The following NTRK1 variants were observed in gnomAD, a reference collection of about 807,000 sequenced individuals.
NTRK1 encodes the protein high affinity nerve growth factor receptor.
In NTRK1, 62 loss-of-function variants were observed where a neutral mutation model predicts 86.8. The ratio of observed to expected loss-of-function variants is 0.71; its 90% CI spans 0.58 to 0.88. The LOEUF (loss-of-function observed/expected upper bound fraction) is 0.88, where lower values mean the gene tolerates loss of function less well. NTRK1 is among the 40% of genes least tolerant of loss of function. The pLI, the probability that NTRK1 is intolerant of heterozygous loss-of-function variation, is 0.00. For missense variants in NTRK1, 967 were observed against 1,078.4 expected (o/e 0.90, Z 1.45); for synonymous variants, 469 against 456.6 (o/e 1.03, Z -0.35).
chr1:156,875,791 A>T (rs1647869161), intron 12 of NTRK1, 125 bp downstream of exon 12: 2 of 1,378,186 alleles, frequency 1.5e-6, no homozygotes, highest in African/African-American at 2.9e-5. Flanking sequence ...CCCCAGCCCT[A>T]TTCCAGCCAT....
At chr1:156,842,481 C>T in intron 2 of NTRK1, 1 of 1,614,056 alleles carries the variant, frequency 6.2e-7, no homozygotes, top group Non-Finnish European at 8.5e-7. Flanking sequence ...GTTGGCTGGC[C>T]CTGAGATACC....
At chr1:156,864,821 C>T (rs1206413987) in intron 3 of NTRK1, 22 bp downstream of exon 3, 1 of 1,608,676 alleles carries the variant, frequency 6.2e-7, no homozygotes, top group Non-Finnish European at 8.5e-7. Flanking sequence ...CAGTGCTGGG[C>T]AGTGGGAGTT....
intron 14 of NTRK1, among the ~76,000 whole-genome samples, 200 bp downstream of exon 14, chr1:156,876,772 C>G (rs984313880): frequency 6.6e-6 from 1 of 152,108 alleles, no homozygotes; most frequent in Non-Finnish European, 1.5e-5. Flanking sequence ...TTGCAAAGGA[C>G]AAGTGTCAGT....
At chr1:156,878,612 G>T (rs974137834) in intron 14 of NTRK1, among the ~76,000 whole-genome samples, 1 of 152,200 alleles carries the variant, frequency 6.6e-6, no homozygotes, top group Non-Finnish European at 1.5e-5. Flanking sequence ...CCGAGTGCTC[G>T]CTCTGGGGAG....
At chr1:156,824,050 CCCT>C (rs1654258701) in intron 1 of NTRK1, among the ~76,000 whole-genome samples, 1 of 152,310 alleles carries the variant, frequency 6.6e-6, no homozygotes, top group African/African-American at 2.4e-5. Context: ...TGCAAATGCT[CCCT>C]AGTCCTGGCC....
chr1:156,830,919 T>G (rs570118151), intron 1 of NTRK1, among the ~76,000 whole-genome samples: 1 of 152,346 alleles, frequency 6.6e-6, no homozygotes, highest in East Asian at 1.9e-4. Flanking sequence ...TTTTCTTACC[T>G]TCTTTTCTAC....
intron 2 of NTRK1, chr1:156,844,180 C>T (rs758328689): frequency 1.1e-5 from 18 of 1,612,814 alleles, no homozygotes; most frequent in Non-Finnish European, 1.7e-6. Flanking sequence ...ATCACCTCTT[C>T]TTGCCGTAGA....
intron 1 of NTRK1, among the ~76,000 whole-genome samples, chr1:156,831,677 C>A (rs1654469762): frequency 6.6e-6 from 1 of 152,002 alleles, no homozygotes; most frequent in South Asian, 2.1e-4. Flanking sequence ...CAAGAGATAC[C>A]CTAGAGAACC....
intron 2 of NTRK1, chr1:156,842,362 C>T (rs776116756): frequency 6.2e-7 from 1 of 1,613,008 alleles, no homozygotes; most frequent in Admixed American, 1.7e-5. Flanking sequence ...TGTGCCCAAC[C>T]CTTCTTTCAC....
intron 1 of NTRK1, among the ~76,000 whole-genome samples, chr1:156,828,382 T>A (rs1250829814): frequency 1.3e-5 from 2 of 152,150 alleles, no homozygotes; most frequent in Non-Finnish European, 2.9e-5. Flanking sequence ...CAGGAGATGC[T>A]GAGTAACTAT....
At position 156,844,062 on chromosome 1, in the gene NTRK1, C is replaced by T. The variant is rs370870438; in HGVS notation, c.50+1869C>T. 7.1e-4 allele frequency: 530 copies of T among 743,540 alleles called. 8 individuals carry two copies. In the South Asian group the frequency reaches 8.6e-3, roughly 12 times the overall value. 46.1% of individuals were successfully genotyped at this position (743,540 alleles called of 1,614,324 possible). On this transcript the variant is annotated intron_variant, in intron 2 of 16. Transcript: ENST00000392302. ...CTGTGCCACCGCAGGGGAAGAGTTA[C>T]TGCCTGTATGGAAGACCTGTCTTTC...
intron 2 of NTRK1, chr1:156,853,998 G>A: frequency 6.2e-7 from 1 of 1,613,802 alleles, no homozygotes; most frequent in Non-Finnish European, 8.5e-7. Flanking sequence ...ACGGCCCCAA[G>A]TGCAGGCAGT....
At chr1:156,844,410 G>T in intron 2 of NTRK1, 1 of 1,590,114 alleles carries the variant, frequency 6.3e-7, no homozygotes, top group Non-Finnish European at 8.6e-7. Context: ...GTGGGCTGGG[G>T]ACCAGGTAGG....
In NTRK1 at chr1:156,841,415, A is replaced by G. The variant is rs1654776069; in HGVS notation, c.-63-666A>G. The G allele has an allele frequency of 1.2e-6, 2 of 1,613,772 alleles. No homozygotes were observed. The highest frequency in any genetic ancestry group is 2.7e-5 in the African/African-American group (2 of 74,856). ...TCACAGCTGAAGGGGACAGCCCTCC[A>G]GCTCCTCCAGGACCCCGCCATCCAT... On this transcript the variant is annotated intron_variant, in intron 1 of 16. Coordinates refer to the NTRK1 transcript ENST00000392302.
At chr1:156,834,725 G>C (rs1323476061) in intron 1 of NTRK1, among the ~76,000 whole-genome samples, 1 of 149,750 alleles carries the variant, frequency 6.7e-6, no homozygotes, top group South Asian at 2.1e-4. Flanking sequence ...CCTGTTTCAA[G>C]AAGAAAAAAA....
chr1:156,838,375 CT>C (rs1160982080), intron 1 of NTRK1, among the ~76,000 whole-genome samples: 6 of 149,694 alleles, frequency 4.0e-5, no homozygotes, highest in African/African-American at 1.5e-4. Flanking sequence ...CAGCTACAGG[CT>C]TTTTTTTTTT....
intron 2 of NTRK1, chr1:156,846,024 TG>T: frequency 6.2e-7 from 1 of 1,613,672 alleles, no homozygotes; most frequent in Non-Finnish European, 8.5e-7. Flanking sequence ...AGGTAGTAGG[TG>T]AGGTTCCCAT....
At chr1:156,858,782 G>GA, upstream of NTRK1, 2 of 624,660 alleles carry the variant, frequency 3.2e-6, no homozygotes, top group Non-Finnish European at 5.7e-6. Flanking sequence ...GCAGGAGACA[G>GA]AAAAAAAGAA....
intron 2 of NTRK1, chr1:156,846,149 G>A (rs1654999870): frequency 6.5e-7 from 1 of 1,548,378 alleles, no homozygotes; most frequent in African/African-American, 1.4e-5. Context: ...GCAACTCAGG[G>A]GTGTGGGTCT....
Sources: allele counts gnomAD v4.1 joint callset (sites outside exome capture counted in the v4.1 genomes callset), GRCh38; gene constraint gnomAD v4.1.1; transcripts MANE v1.5; gene names NCBI Gene and HGNC (gene_info 2026-07-23, HGNC 2026-07-21).